The following NEBL variants were observed in gnomAD, a reference collection of about 807,000 sequenced individuals.
NEBL encodes nebulette, also known as LIM and SH3 protein 2.
Under a neutral mutation model 140.2 loss-of-function variants are expected in NEBL, and 122 were observed. The ratio of observed to expected loss-of-function variants is 0.87; its 90% CI spans 0.75 to 1.01. The LOEUF (loss-of-function observed/expected upper bound fraction) is 1.01, where lower values mean the gene tolerates loss of function less well. Among genes scored for constraint, NEBL ranks in the 50% least tolerant of loss-of-function variants. The pLI, the probability that NEBL is intolerant of heterozygous loss-of-function variation, is 0.00. For missense variants in NEBL, 1,365 were observed against 1,231.3 expected (o/e 1.11, Z -1.62); for synonymous variants, 436 against 398.9 (o/e 1.09, Z -1.11).
At chr10:20,884,082 G>T (rs1846248576) in intron 4 of NEBL, among the ~76,000 whole-genome samples, 1 of 152,084 alleles carries the variant, frequency 6.6e-6, no homozygotes, top group African/African-American at 2.4e-5. Flanking sequence ...TAGGAACCTG[G>T]AGACAGGAGT....
At chr10:20,912,401 C>T (rs577669937) in intron 4 of NEBL, among the ~76,000 whole-genome samples, 1 of 152,120 alleles carries the variant, frequency 6.6e-6, no homozygotes, top group Non-Finnish European at 1.5e-5. Context: ...CAATGCGCTA[C>T]GATCGTGCCA....
chr10:20,863,682 C>T (rs1449914282), intron 7 of NEBL, among the ~76,000 whole-genome samples: 2 of 152,076 alleles, frequency 1.3e-5, no homozygotes, highest in Non-Finnish European at 2.9e-5. Flanking sequence ...CACCTATTGG[C>T]AGCCTAATCT....
chr10:21,042,979 A>G lies in NEBL; in HGVS notation c.165-22778T>C, dbSNP rs193257814. Among the ~76,000 whole-genome samples, 47 of 152,322 alleles carry G rather than the reference A, an allele frequency of 3.1e-4. No individual in the cohort carries two copies. The East Asian group carries it at 8.9e-3, about 29-fold the overall frequency. Reference sequence around the variant, plus strand: ...TTTTCTTTTCTTCTTCAAAAATAACATTGCCCAAGAAATCAAGGAGAGAAG... The same window carrying G: ...TTTTCTTTTCTTCTTCAAAAATAACGTTGCCCAAGAAATCAAGGAGAGAAG... On this transcript the variant is annotated intron_variant, in intron 2 of 6. Coordinates refer to the NEBL transcript ENST00000417816.
At chr10:21,094,800 G>A (rs950027151) in intron 2 of NEBL, among the ~76,000 whole-genome samples, 3 of 152,166 alleles carry the variant, frequency 2.0e-5, no homozygotes, top group African/African-American at 7.2e-5. Context: ...TTGCTTCTAA[G>A]TCTCACATTG....
intron 2 of NEBL, among the ~76,000 whole-genome samples, chr10:21,044,323 G>A (rs950004739): frequency 3.3e-5 from 5 of 150,308 alleles, no homozygotes; most frequent in Non-Finnish European, 7.4e-5. Flanking sequence ...CTTGAACCCG[G>A]GAGGCGGAGG....
intron 4 of NEBL, among the ~76,000 whole-genome samples, chr10:20,883,677 G>T (rs1174179007): frequency 6.6e-6 from 1 of 152,086 alleles, no homozygotes; most frequent in African/African-American, 2.4e-5. Flanking sequence ...TTGTACTTTA[G>T]ACCTACTAAC....
intron 4 of NEBL, among the ~76,000 whole-genome samples, chr10:20,930,477 T>C (rs4748738): frequency 0.64 from 97,537 of 152,034 alleles, 31,570 homozygotes; most frequent in Non-Finnish European, 0.67. Context: ...GGTAGTCTTT[T>C]TGAAAATGCA....
At chr10:20,985,710 T>C (rs1304597821) in intron 3 of NEBL, among the ~76,000 whole-genome samples, 1 of 152,142 alleles carries the variant, frequency 6.6e-6, no homozygotes, top group Non-Finnish European at 1.5e-5. Context: ...CACAATCTAC[T>C]AGTATGCAGC....
At chr10:21,082,761 A>ATTTTTTT (rs71392113) in intron 2 of NEBL, among the ~76,000 whole-genome samples, 1,646 of 109,450 alleles carry the variant, frequency 0.015, 101 homozygotes, top group Non-Finnish European at 0.023. Flanking sequence ...GGAGGGATGC[A>ATTTTTTT]TTTTTTTTTT....
intron 4 of NEBL, among the ~76,000 whole-genome samples, chr10:20,914,094 A>C (rs1353839472): frequency 1.3e-5 from 2 of 152,166 alleles, no homozygotes; most frequent in African/African-American, 4.8e-5. Context: ...AGCTCATCAG[A>C]CCAAAAGCAG....
chr10:21,073,258 G>A (rs185673751), intron 2 of NEBL, among the ~76,000 whole-genome samples: 3 of 152,092 alleles, frequency 2.0e-5, no homozygotes, highest in East Asian at 3.9e-4. Context: ...AGGAGTTTGA[G>A]GCTACAGTGA....
chr10:21,085,945 A>G (rs1298149707), intron 2 of NEBL, among the ~76,000 whole-genome samples: 1 of 151,704 alleles, frequency 6.6e-6, no homozygotes, highest in Non-Finnish European at 1.5e-5. Flanking sequence ...GGAAATCTGC[A>G]TTTTTTTCAT....
At chr10:20,896,328 G>C (rs192550242) in intron 2 of NEBL, among the ~76,000 whole-genome samples, 1 of 151,366 alleles carries the variant, frequency 6.6e-6, no homozygotes, top group Non-Finnish European at 1.5e-5. Flanking sequence ...CAATAATTCT[G>C]GGATTCCCTT....
intron 5 of NEBL, among the ~76,000 whole-genome samples, chr10:20,873,945 CTG>C (rs1845230055): frequency 6.6e-6 from 1 of 152,060 alleles, no homozygotes; most frequent in African/African-American, 2.4e-5. Context: ...TTCTATATGT[CTG>C]TCACTGGGCA....
intron 7 of NEBL, among the ~76,000 whole-genome samples, chr10:20,866,268 G>A (rs1232501481): frequency 6.6e-6 from 1 of 152,082 alleles, no homozygotes; most frequent in Non-Finnish European, 1.5e-5. Flanking sequence ...ACTTTTACAG[G>A]ATGAAAAGAG....
At chr10:21,038,554 T>C (rs969762844) in intron 2 of NEBL, among the ~76,000 whole-genome samples, 1 of 152,266 alleles carries the variant, frequency 6.6e-6, no homozygotes, top group African/African-American at 2.4e-5. Context: ...TTCTTTTTTA[T>C]GGCTGCATAA....
At chr10:21,240,340 T>C (rs1426845005) in intron 3 of NEBL, among the ~76,000 whole-genome samples, 3 of 152,064 alleles carry the variant, frequency 2.0e-5, no homozygotes, top group Non-Finnish European at 4.4e-5. Flanking sequence ...GCTTGGTTCA[T>C]TTTTTTAAAA....
intron 3 of NEBL, chr10:21,020,018 T>G (rs1589142469): frequency 1.9e-5 from 20 of 1,061,800 alleles, no homozygotes; most frequent in Non-Finnish European, 4.4e-6. Flanking sequence ...CACCGGCTGG[T>G]GACCCAGCAG....
chr10:20,989,695 C>T (rs1837386091), intron 3 of NEBL, among the ~76,000 whole-genome samples: 1 of 152,058 alleles, frequency 6.6e-6, no homozygotes, highest in Admixed American at 6.6e-5. Context: ...CAATAGAACC[C>T]CACTTATATT....
Sources: allele counts gnomAD v4.1 joint callset (sites outside exome capture counted in the v4.1 genomes callset), GRCh38; gene constraint gnomAD v4.1.1; transcripts MANE v1.5; gene names NCBI Gene and HGNC (gene_info 2026-07-23, HGNC 2026-07-21).